Variants in ABLIM1 observed in about 807,000 individuals in gnomAD.
ABLIM1 encodes actin binding LIM protein 1.
Under a neutral mutation model 107.0 loss-of-function variants are expected in ABLIM1, and 40 were observed. That is an observed-to-expected ratio of 0.37 (90% CI 0.29 to 0.49). The LOEUF is 0.49. ABLIM1 is among the 20% of genes least tolerant of loss of function. ABLIM1 has a pLI of 0.97. For missense variants in ABLIM1, 857 were observed against 1,008.5 expected (o/e 0.85, Z 2.04); for synonymous variants, 357 against 357.3 (o/e 1.00, Z 0.01).
At position 114,431,256 on chromosome 10, in the gene ABLIM1, G is replaced by T; in HGVS notation, c.*5004C>A. The stretch of plus-strand genomic sequence containing the variant: ...CAGGCACAGCAGCGCGGAGCCGGCA[G>T]GGCCACCTCCTCCTCTACACACAAG... On this transcript the variant is annotated 3_prime_UTR_variant, in exon 23 of 23. Transcript: ENST00000533213. 6.6e-6 allele frequency: 1 copy of T among 152,202 alleles called. No homozygotes were observed. 9.4% of individuals were successfully genotyped at this position (152,202 alleles called of 1,614,324 possible). A position where few individuals can be genotyped will look rare whatever the true frequency, so the allele number is the denominator to read the frequency against.
the ABLIM1 span, among the ~76,000 whole-genome samples, chr10:114,788,720 T>A: frequency 6.6e-6 from 1 of 151,624 alleles, no homozygotes; most frequent in Non-Finnish European, 1.5e-5. Context: ...AGAGTGGGAC[T>A]CCGTCTCAAA....
At chr10:114,582,146 C>A (rs1327483643) in intron 2 of ABLIM1, among the ~76,000 whole-genome samples, 5 of 152,128 alleles carry the variant, frequency 3.3e-5, no homozygotes, top group Non-Finnish European at 7.3e-5. Flanking sequence ...GCTCCTAGAA[C>A]TGACACATGA....
At chr10:114,465,043 T>C (rs1380047515) in intron 12 of ABLIM1, among the ~76,000 whole-genome samples, 1 of 152,226 alleles carries the variant, frequency 6.6e-6, no homozygotes, top group Non-Finnish European at 1.5e-5. Context: ...TGCTACTTTG[T>C]GGCATTCTCT....
intron 14 of ABLIM1, among the ~76,000 whole-genome samples, chr10:114,448,999 G>A (rs1440624444): frequency 1.3e-5 from 2 of 152,224 alleles, no homozygotes. Flanking sequence ...CTTTCAGCTT[G>A]CAGGAATTTG....
At chr10:114,507,624 T>C (rs941234355) in intron 6 of ABLIM1, among the ~76,000 whole-genome samples, 1 of 152,186 alleles carries the variant, frequency 6.6e-6, no homozygotes, top group Non-Finnish European at 1.5e-5. Flanking sequence ...ACGGGCACCC[T>C]GCCAGCCACA....
chr10:114,498,072 T>C (rs1056740616), intron 6 of ABLIM1, among the ~76,000 whole-genome samples: 2 of 152,196 alleles, frequency 1.3e-5, no homozygotes, highest in East Asian at 3.9e-4. Flanking sequence ...TTTGTGGACA[T>C]GAGGTACAGG....
intron 2 of ABLIM1, among the ~76,000 whole-genome samples, chr10:114,592,153 C>A (rs1307941385): frequency 6.6e-6 from 1 of 152,110 alleles, no homozygotes. Context: ...TATATAAATA[C>A]ATATATATGT....
At chr10:114,775,367 G>A in the ABLIM1 span, among the ~76,000 whole-genome samples, 5 of 152,150 alleles carry the variant, frequency 3.3e-5, no homozygotes, top group East Asian at 3.9e-4. Flanking sequence ...ATATGTGGGA[G>A]TTCAATGGAA....
rs7101145 is a variant in ABLIM1, at chr10:114,629,331, C to T, written c.245-27370G>A. Reference sequence around the variant, plus strand: ...CCTCGGGATGGACATTGCCAGGACCCGAGCCTCCTCGAGTTGATTCCTGAC... The same window carrying T: ...CCTCGGGATGGACATTGCCAGGACCTGAGCCTCCTCGAGTTGATTCCTGAC... On this transcript the variant is annotated intron_variant, in intron 1 of 22. Coordinates refer to ENST00000533213, the MANE Select transcript of ABLIM1 (RefSeq NM_002313.7). The surrounding 1 kb of genome is among the most constrained non-coding windows in gnomAD (Gnocchi z 4.0). Among the ~76,000 whole-genome samples the T allele has an allele frequency of 0.011, 1,734 of 152,238 alleles. 32 individuals are homozygous for T. The highest frequency in any genetic ancestry group is 0.039 in the African/African-American group (1,639 of 41,552).
At chr10:114,634,258 G>A (rs1418259143) in intron 1 of ABLIM1, among the ~76,000 whole-genome samples, 1 of 142,006 alleles carries the variant, frequency 7.0e-6, no homozygotes, top group African/African-American at 2.7e-5. Flanking sequence ...TCAGCCTCCC[G>A]AGTAGCTGGG....
intron 1 of ABLIM1, among the ~76,000 whole-genome samples, chr10:114,653,692 T>C (rs1179971184): frequency 3.3e-5 from 5 of 152,250 alleles, no homozygotes; most frequent in African/African-American, 9.6e-5. Flanking sequence ...ATCTATTTCA[T>C]TGATATATGC....
intron 1 of ABLIM1, among the ~76,000 whole-genome samples, chr10:114,605,856 A>G (rs2140101098): frequency 6.6e-6 from 1 of 152,262 alleles, no homozygotes; most frequent in South Asian, 2.1e-4. Context: ...AGTCAAGCAA[A>G]GCAGATCAGC....
chr10:114,702,199 T>C (rs2081319899), intron 1 of ABLIM1, among the ~76,000 whole-genome samples: 1 of 152,244 alleles, frequency 6.6e-6, no homozygotes, highest in Non-Finnish European at 1.5e-5. Context: ...AGTTGTCTAT[T>C]TGCAAATATT....
chr10:114,593,817 C>T (rs1347981165), intron 2 of ABLIM1, among the ~76,000 whole-genome samples: 1 of 152,132 alleles, frequency 6.6e-6, no homozygotes. Flanking sequence ...GGAAAGATTA[C>T]AAGACCTTAC....
At chr10:114,729,670 A>G (rs1445524818) in intron 1 of ABLIM1, among the ~76,000 whole-genome samples, 2 of 152,088 alleles carry the variant, frequency 1.3e-5, no homozygotes, top group African/African-American at 2.4e-5. Context: ...CCATACAACC[A>G]TATTTTGAGA....
At chr10:114,682,511 C>T (rs1324730294) in intron 1 of ABLIM1, among the ~76,000 whole-genome samples, 2 of 152,152 alleles carry the variant, frequency 1.3e-5, no homozygotes, top group Non-Finnish European at 2.9e-5. Context: ...AAAAGTATTG[C>T]CCATATTCCC....
chr10:114,464,574 C>A lies in ABLIM1; in HGVS notation c.1441+1124G>T, dbSNP rs61476708. 6.0e-3 allele frequency among the ~76,000 whole-genome samples: 915 copies of A among 152,082 alleles called. 12 individuals are homozygous for A. Among genetic ancestry groups the A allele is most frequent in the African/African-American group, 0.021 (880 of 41,488 alleles). On this transcript the variant is annotated intron_variant, in intron 12 of 22. Coordinates refer to ENST00000533213, the MANE Select transcript of ABLIM1 (RefSeq NM_002313.7). ...CATGAATAAAATGAATATAATAGCC[C>A]ATGAAATAAAGGAAAAAAAATTCCT...
the ABLIM1 span, among the ~76,000 whole-genome samples, chr10:114,785,905 T>C: frequency 6.6e-6 from 1 of 152,152 alleles, no homozygotes; most frequent in Non-Finnish European, 1.5e-5. Flanking sequence ...ATTTTTGTAT[T>C]TTTAGTAGAG....
intron 1 of ABLIM1, among the ~76,000 whole-genome samples, chr10:114,742,375 G>T (rs2082305182): frequency 1.3e-5 from 2 of 152,114 alleles, no homozygotes; most frequent in South Asian, 4.2e-4. Flanking sequence ...GTACACTTTG[G>T]ATACTCCATC....
Sources: allele counts gnomAD v4.1 joint callset (sites outside exome capture counted in the v4.1 genomes callset), GRCh38; gene constraint gnomAD v4.1.1; non-coding constraint Gnocchi (gnomAD v3.1); transcripts MANE v1.5; gene names NCBI Gene and HGNC (gene_info 2026-07-23, HGNC 2026-07-21).